The following LCORL variants were observed in gnomAD, a reference collection of about 807,000 sequenced individuals.
LCORL encodes the protein ligand-dependent nuclear receptor corepressor-like protein.
Under a neutral mutation model 141.8 loss-of-function variants are expected in LCORL, and 41 were observed. The ratio of observed to expected loss-of-function variants is 0.29; its 90% CI spans 0.23 to 0.38. The LOEUF (loss-of-function observed/expected upper bound fraction) is 0.38, where lower values mean the gene tolerates loss of function less well. Ranked by LOEUF, LCORL falls within the 10% of genes least tolerant of loss-of-function variation. The pLI is 1.00. For synonymous variants in LCORL, 618 were observed against 694.1 expected (o/e 0.89, Z 1.72); for missense variants, 1,759 against 2,035.0 (o/e 0.86, Z 2.61).
intron 4 of LCORL, among the ~76,000 whole-genome samples, chr4:17,945,613 T>C (rs1738750618): frequency 6.6e-6 from 1 of 152,046 alleles, no homozygotes; most frequent in African/African-American, 2.4e-5. Context: ...TAAAAGGCCC[T>C]GAACTTAAGA....
chr4:17,896,095 A>G (rs1729880874), intron 5 of LCORL, among the ~76,000 whole-genome samples: 1 of 152,130 alleles, frequency 6.6e-6, no homozygotes, highest in Non-Finnish European at 1.5e-5. Flanking sequence ...TGGATGCGCA[A>G]CCTTTTGAGG....
chr4:17,921,571 T>A (rs1056334783), intron 4 of LCORL, among the ~76,000 whole-genome samples: 1 of 152,168 alleles, frequency 6.6e-6, no homozygotes, highest in Non-Finnish European at 1.5e-5. Context: ...TCAGAGCTCT[T>A]AGGTAATCAA....
In LCORL at chr4:17,908,775, A is replaced by G. The variant is rs189647710; in HGVS notation, c.682+319T>C. On this transcript the variant is annotated intron_variant, in intron 5 of 7. Coordinates refer to ENST00000635767, the Ensembl canonical transcript of LCORL. ...GAACAAGCAAGTGCTTACTGTTTTC[A>G]GCTTTCCACTATAAAAATAATTATT... 2.1e-3 allele frequency among the ~76,000 whole-genome samples: 324 copies of G among 152,250 alleles called. 1 individual carries two copies. Among genetic ancestry groups the G allele is most frequent in the African/African-American group, 7.6e-3 (316 of 41,582 alleles).
intron 1 of LCORL, among the ~76,000 whole-genome samples, chr4:18,018,706 G>T (rs1204997424): frequency 1.3e-5 from 2 of 152,018 alleles, no homozygotes; most frequent in African/African-American, 4.8e-5. Context: ...ATCTCATTAG[G>T]GGCTCAATAC....
chr4:18,013,753 T>C (rs533497366), intron 1 of LCORL, among the ~76,000 whole-genome samples: 1 of 152,132 alleles, frequency 6.6e-6, no homozygotes, highest in African/African-American at 2.4e-5. Flanking sequence ...TTTGAATTAA[T>C]GGAGAAAGCT....
At chr4:17,941,881 T>A (rs1048555912) in intron 4 of LCORL, among the ~76,000 whole-genome samples, 43 of 151,460 alleles carry the variant, frequency 2.8e-4, no homozygotes, top group African/African-American at 9.5e-4. Flanking sequence ...TCCTCAGCAG[T>A]GATGACACTT....
At chr4:17,928,830 ATAAATT>A (rs1211561869) in intron 4 of LCORL, among the ~76,000 whole-genome samples, 1 of 152,238 alleles carries the variant, frequency 6.6e-6, no homozygotes, top group Non-Finnish European at 1.5e-5. Flanking sequence ...CTTGTGATAT[ATAAATT>A]TAATTTAGAT....
At chr4:17,911,252 G>A (rs1732467802) in intron 4 of LCORL, among the ~76,000 whole-genome samples, 1 of 152,112 alleles carries the variant, frequency 6.6e-6, no homozygotes, top group Non-Finnish European at 1.5e-5. Context: ...GATGCAGGCT[G>A]AGCACTTATA....
intron 6 of LCORL, chr4:17,883,408 A>G (rs1033528580): frequency 1.7e-4 from 184 of 1,086,672 alleles, no homozygotes; most frequent in Middle Eastern, 1.6e-3. Flanking sequence ...GTTTTCCCAC[A>G]ACGCTTTATG....
chr4:17,845,792 G>T, exon 8 of LCORL: 1 of 1,613,638 alleles, frequency 6.2e-7, no homozygotes, highest in Non-Finnish European at 8.5e-7. Flanking sequence ...GTCAAATTCA[G>T]ATTCCATTCA....
At chr4:17,897,728 C>T (rs145758640) in intron 5 of LCORL, among the ~76,000 whole-genome samples, 2 of 152,026 alleles carry the variant, frequency 1.3e-5, no homozygotes, top group African/African-American at 2.4e-5. Context: ...CATACTTGAC[C>T]ACCTGGGAAC....
chr4:17,990,097 T>G lies in LCORL; in HGVS notation c.155-17212A>C, dbSNP rs1031707453. On this transcript the variant is annotated intron_variant, in intron 1 of 7. Transcript: ENST00000635767. ...GCAGAAAAAAAGAAAACTCTCTGCG[T>G]TTTTTTTTTTTTTTTTTTTGAAATG... Among the ~76,000 whole-genome samples the G allele has an allele frequency of 2.9e-5, 3 of 105,208 alleles. No individual in the cohort carries two copies. In the South Asian group the frequency reaches 1.0e-3, roughly 35 times the overall value. 69.0% of individuals were successfully genotyped at this position (105,208 alleles called of 152,430 possible).
chr4:17,884,965 A>G lies in LCORL; in HGVS notation c.776+1103T>C, dbSNP rs1255093798. Reference sequence around the variant, plus strand: ...ATGTGACAATGATACGGTGGCCTCAACGGGCAGACCTTCCAAGAACATAAA... The same window carrying G: ...ATGTGACAATGATACGGTGGCCTCAGCGGGCAGACCTTCCAAGAACATAAA... On this transcript the variant is annotated intron_variant, in intron 6 of 7. Transcript: ENST00000635767. The surrounding 1 kb of genome is among the most constrained non-coding windows in gnomAD (Gnocchi z 4.4). 6.6e-6 allele frequency among the ~76,000 whole-genome samples: 1 copy of G among 151,964 alleles called. No individual in the cohort carries two copies. Among genetic ancestry groups the G allele is most frequent in the Non-Finnish European group, 1.5e-5 (1 of 67,928 alleles).
intron 1 of LCORL, among the ~76,000 whole-genome samples, chr4:17,992,199 G>C (rs1720150113): frequency 6.6e-6 from 1 of 152,206 alleles, no homozygotes; most frequent in Non-Finnish European, 1.5e-5. Flanking sequence ...GATCATGGTG[G>C]AAAAGGAAGC....
At chr4:17,867,745 T>C (rs1461900668) in intron 7 of LCORL, among the ~76,000 whole-genome samples, 1 of 152,168 alleles carries the variant, frequency 6.6e-6, no homozygotes, top group East Asian at 1.9e-4. Context: ...CTGAGAAAGA[T>C]ATGGGGCAAT....
chr4:17,876,666 T>C, exon 7 of LCORL: 1 of 1,230,804 alleles, frequency 8.1e-7, no homozygotes, highest in Non-Finnish European at 1.0e-6. Flanking sequence ...AGGCACAATA[T>C]TTCGTTTAGT....
chr4:17,898,805 C>T (rs1730400162), intron 5 of LCORL, among the ~76,000 whole-genome samples: 1 of 151,998 alleles, frequency 6.6e-6, no homozygotes, highest in African/African-American at 2.4e-5. Flanking sequence ...CATATCATTC[C>T]ATATTTGTGC....
exon 7 of LCORL, chr4:17,877,162 TTTC>T: frequency 8.1e-7 from 1 of 1,230,862 alleles, no homozygotes; most frequent in Non-Finnish European, 1.0e-6. Flanking sequence ...GCAAATAAAG[TTTC>T]TTGACGCTTT....
At chr4:17,942,781 C>T (rs958946699) in intron 4 of LCORL, among the ~76,000 whole-genome samples, 30 of 152,202 alleles carry the variant, frequency 2.0e-4, no homozygotes, top group South Asian at 1.7e-3. Flanking sequence ...GAGACGTCCC[C>T]GACCCCTAGG....
Sources: allele counts gnomAD v4.1 joint callset (sites outside exome capture counted in the v4.1 genomes callset), GRCh38; gene constraint gnomAD v4.1.1; non-coding constraint Gnocchi (gnomAD v3.1); transcripts MANE v1.5; gene names NCBI Gene and HGNC (gene_info 2026-07-23, HGNC 2026-07-21).